The following FBXL18 variants were observed in gnomAD, a reference collection of about 807,000 sequenced individuals.
FBXL18 encodes F-box and leucine rich repeat protein 18, also known as F-box/LRR-repeat protein 18.
A neutral mutation model predicts 46.0 loss-of-function variants in FBXL18; 36 were observed. The observed-to-expected ratio is 0.78, with a 90% CI of 0.60 to 1.03. The LOEUF is 1.03. Ranked by LOEUF, FBXL18 falls within the 50% of genes least tolerant of loss-of-function variation. The probability of loss-of-function intolerance (pLI) is 0.00; values close to 1 mark genes in which losing one functional copy is unlikely to be tolerated. For missense variants in FBXL18, 977 were observed against 1,004.1 expected (o/e 0.97, Z 0.36); for synonymous variants, 557 against 465.3 (o/e 1.20, Z -2.54).
intron 4 of FBXL18, chr7:5,489,626 A>C (rs1339127141): frequency 1.4e-5 from 3 of 216,738 alleles, no homozygotes; most frequent in Non-Finnish European, 2.8e-5. Context: ...AAAAATACAA[A>C]AAATTAGCCA....
chr7:5,493,644 G>C (rs1390999520), intron 3 of FBXL18, among the ~76,000 whole-genome samples: 2 of 146,012 alleles, frequency 1.4e-5, no homozygotes, highest in South Asian at 2.2e-4. Context: ...TGAGAGACTG[G>C]TTATTTACTT....
chr7:5,496,074 G>A lies in FBXL18; in HGVS notation c.1781+4414C>T, dbSNP rs1562696232. On this transcript the variant is annotated intron_variant, in intron 3 of 4. Transcript: ENST00000382368. The surrounding 1 kb of genome is among the most constrained non-coding windows in gnomAD (Gnocchi z 4.8). ...CCACGGGGATTCCGTCCCAGACTCC[G>A]GAGGCCATCGGGGACCATGAAATCA... Among the ~76,000 whole-genome samples the A allele has an allele frequency of 6.6e-6, 1 of 152,198 alleles. No homozygotes were observed. Among genetic ancestry groups the A allele is most frequent in the African/African-American group, 2.4e-5 (1 of 41,448 alleles).
rs1015996311 is a variant in FBXL18, at chr7:5,481,368, G to A, written c.*407C>T. 1.2e-5 allele frequency: 2 copies of A among 169,808 alleles called. No homozygotes were observed. Among genetic ancestry groups the A allele is most frequent in the African/African-American group, 2.4e-5 (1 of 41,600 alleles). 10.5% of individuals were successfully genotyped at this position (169,808 alleles called of 1,614,324 possible). A position where few individuals can be genotyped will look rare whatever the true frequency, so the allele number is the denominator to read the frequency against. ...GTGGCCGCCCATCCACGGGGCCCCG[G>A]TGGCAGGTGACCACAAACACAACAG... is the stretch of plus-strand genomic sequence containing the variant. On this transcript the variant is annotated 3_prime_UTR_variant, in exon 5 of 5. Coordinates refer to ENST00000382368, the MANE Select transcript of FBXL18 (RefSeq NM_024963.6).
At chr7:5,469,554 G>GT (rs1783396194) in intron 4 of FBXL18, among the ~76,000 whole-genome samples, 2 of 145,232 alleles carry the variant, frequency 1.4e-5, no homozygotes, top group Non-Finnish European at 1.5e-5. Flanking sequence ...GGGTGTGTGT[G>GT]GGGGGGGTGT....
chr7:5,505,418 G>C lies in FBXL18; in HGVS notation c.231C>G (p.Asp77Glu). 6.2e-7 allele frequency: 1 copy of C among 1,614,034 alleles called. No individual in the cohort carries two copies. The highest frequency in any genetic ancestry group is 8.5e-7 in the Non-Finnish European group (1 of 1,179,946). The change falls in exon 2 of 5, where the codon GAC becomes GAG. Residue 77 changes from aspartate (D) to glutamate (E), a missense_variant. Physicochemically the swap from Asp to Glu is conservative, Grantham distance 45. Coordinates refer to ENST00000382368, the MANE Select transcript of FBXL18 (RefSeq NM_024963.6). Reference sequence around the variant, plus strand: ...TGCCCCCACGCCTGCTCACCTGATAGTCCTTTTGCAGCAACACGGTGTGGA... The same window carrying C: ...TGCCCCCACGCCTGCTCACCTGATACTCCTTTTGCAGCAACACGGTGTGGA... The part of the protein sequence containing the change: ...SLIHTVLLQK[D>E]YQASEDKVRQ...
chr7:5,486,874 G>A (rs1453491918), intron 4 of FBXL18, among the ~76,000 whole-genome samples: 2 of 152,224 alleles, frequency 1.3e-5, no homozygotes, highest in South Asian at 2.1e-4. Context: ...GGAGAGGACG[G>A]GTGAGCCGCA....
intron 4 of FBXL18, among the ~76,000 whole-genome samples, chr7:5,470,122 G>A (rs867813176): frequency 7.2e-5 from 11 of 152,120 alleles, no homozygotes; most frequent in Non-Finnish European, 1.2e-4. Flanking sequence ...TCCCAGCAGG[G>A]GCTAGAGATC....
intron 4 of FBXL18, among the ~76,000 whole-genome samples, chr7:5,459,854 C>T (rs575147709): frequency 2.7e-4 from 41 of 151,386 alleles, no homozygotes; most frequent in African/African-American, 9.7e-4. Flanking sequence ...CAGAGGCTGC[C>T]GTGAGCTGAG....
intron 4 of FBXL18, among the ~76,000 whole-genome samples, chr7:5,485,923 G>A (rs1783762568): frequency 6.6e-6 from 1 of 152,102 alleles, no homozygotes; most frequent in African/African-American, 2.4e-5. Context: ...GCCGGGCGTG[G>A]TGGCACACGC....
intron 1 of FBXL18, 84 bp from the exon 2 acceptor site, chr7:5,505,714 G>A: frequency 8.6e-7 from 1 of 1,157,820 alleles, no homozygotes; most frequent in Non-Finnish European, 1.3e-6. Context: ...GAAGCAAAGA[G>A]AAGCCCTTAT....
Position 5,513,761 on chromosome 7 carries a change from T to A in FBXL18, c.-87A>T. 6.5e-7 allele frequency: 1 copy of A among 1,530,622 alleles called. No individual in the cohort carries two copies. The allele number at this position is 1,530,622 out of a possible 1,614,324, so 94.8% of individuals were successfully genotyped here. On this transcript the variant is annotated 5_prime_UTR_variant, in exon 1 of 5. Transcript: ENST00000382368. The stretch of plus-strand genomic sequence containing the variant: ...GCTAGGGATGCTCGAAGCCGGCGCG[T>A]CCACCGCTCAACCGAGACCCCGGCA...
At chr7:5,492,966 T>C (rs1314834069) in intron 3 of FBXL18, among the ~76,000 whole-genome samples, 1 of 152,160 alleles carries the variant, frequency 6.6e-6, no homozygotes, top group Admixed American at 6.5e-5. Context: ...CCCAGGATCC[T>C]AGCACAGATG....
At chr7:5,474,249 G>A (rs983158738), downstream of FBXL18, among the ~76,000 whole-genome samples, 3 of 152,176 alleles carry the variant, frequency 2.0e-5, no homozygotes, top group South Asian at 2.1e-4. Context: ...TTCTAGAAGC[G>A]GATGGTGATG....
Position 5,455,707 on chromosome 7 carries a change from A to C in FBXL18, c.2001-7864T>G, listed in dbSNP as rs906035589. Among the ~76,000 whole-genome samples, 1 of 151,808 alleles carries C rather than the reference A, an allele frequency of 6.6e-6. No individual in the cohort carries two copies. The highest frequency in any genetic ancestry group is 6.6e-5 in the Admixed American group (1 of 15,230). ...GTGAATTCGGGGAAGTGGGAAACAG[A>C]ACTTTTTGGATGTCCCTAGATGGTG... On this transcript the variant is annotated intron_variant and NMD_transcript_variant, in intron 4 of 6. Transcript: ENST00000415009. The surrounding 1 kb of genome is among the most constrained non-coding windows in gnomAD (Gnocchi z 4.6).
downstream of FBXL18, among the ~76,000 whole-genome samples, chr7:5,471,782 A>G (rs904723201): frequency 6.6e-6 from 1 of 152,122 alleles, no homozygotes; most frequent in Admixed American, 6.5e-5. Flanking sequence ...GGCTCTTCGC[A>G]TGTTCTGGCC....
Position 5,501,045 on chromosome 7 carries a change from G to A in FBXL18, c.1224C>T (p.Leu408=). 1 of 1,607,726 alleles carries A rather than the reference G, an allele frequency of 6.2e-7. No individual in the cohort carries two copies. The highest frequency in any genetic ancestry group is 8.5e-7 in the Non-Finnish European group (1 of 1,178,460). ...SEGLGRHLCQ[L]LARLRHLRSL... ...AGCGCAGGTGACGCAGCCGGGCCAG[G>A]AGCTGGCAGAGGTGGCGGCCCAGGC... The change falls in exon 3 of 5, where the codon CTC becomes CTT. Residue 408 remains leucine, a synonymous_variant. Coordinates refer to ENST00000382368, the MANE Select transcript of FBXL18 (RefSeq NM_024963.6).
At chr7:5,510,497 C>A (rs1784504380) in intron 1 of FBXL18, among the ~76,000 whole-genome samples, 2 of 151,718 alleles carry the variant, frequency 1.3e-5, no homozygotes, top group Admixed American at 6.6e-5. Flanking sequence ...GCCTGACCAA[C>A]ACGGTGAAAC....
intron 4 of FBXL18, 98 bp from the exon 5 acceptor site, chr7:5,482,029 G>T (rs951233748): frequency 7.0e-7 from 1 of 1,422,354 alleles, no homozygotes; most frequent in South Asian, 1.4e-5. Flanking sequence ...CTGCCTCCCC[G>T]TCCCGGGCTC....
Position 5,500,596 on chromosome 7 carries a change from T to G in FBXL18, c.1673A>C (p.Gln558Pro), listed in dbSNP as rs749661129. Residue 558 changes from glutamine (Q) to proline (P), a missense_variant, in exon 3 of 5, where the codon CAG (glutamine) becomes CCG (proline). Physicochemically the swap from Gln to Pro is moderately conservative, Grantham distance 76 (BLOSUM62 -1). Coordinates refer to ENST00000382368, the MANE Select transcript of FBXL18 (RefSeq NM_024963.6). ...GGCCAGCGACAGGGACCGCAACTGC[T>G]GGCACTGCAGGCCGATATTGACCAG... ...SGLVNIGLQC[Q>P]QLRSLSLANL... 1 of 1,613,478 alleles carries G rather than the reference T, an allele frequency of 6.2e-7. No individual in the cohort carries two copies. The highest frequency in any genetic ancestry group is 1.7e-5 in the Admixed American group (1 of 60,020).
Sources: allele counts gnomAD v4.1 joint callset (sites outside exome capture counted in the v4.1 genomes callset), GRCh38; gene constraint gnomAD v4.1.1; non-coding constraint Gnocchi (gnomAD v3.1); transcripts MANE v1.5; gene names NCBI Gene and HGNC (gene_info 2026-07-23, HGNC 2026-07-21).